The following ARHGAP6 variants were observed in gnomAD, a reference collection of about 807,000 sequenced individuals.
ARHGAP6 encodes Rho GTPase activating protein 6, also known as rho GTPase-activating protein 6.
Under a neutral mutation model 55.7 loss-of-function variants are expected in ARHGAP6, and 16 were observed. That is an observed-to-expected ratio of 0.29 (90% CI 0.19 to 0.44). ARHGAP6 has a LOEUF of 0.44. Ranked by LOEUF, ARHGAP6 falls within the 20% of genes least tolerant of loss-of-function variation. The pLI, the probability that ARHGAP6 is intolerant of heterozygous loss-of-function variation, is 1.00. For missense variants in ARHGAP6, 698 were observed against 808.9 expected (o/e 0.86, Z 1.66); for synonymous variants, 382 against 360.9 (o/e 1.06, Z -0.66).
chrX:11,589,372 A>G (rs1381766217), intron 1 of ARHGAP6, among the ~76,000 whole-genome samples: 1 of 108,378 alleles, frequency 9.2e-6, no homozygotes, highest in African/African-American at 3.4e-5. Flanking sequence ...TTGTTCTAGT[A>G]CACTTTTAAA....
rs199897331 is a variant in ARHGAP6 at position 11,196,363 on chromosome X, A to AC, written c.820+561dup. Reference sequence around the variant, plus strand: ...TCAATGATTCTTAAAGGGCTCTGTGACCCCCAAAATATTAAGGGCATTTGC... The same window carrying AC: ...TCAATGATTCTTAAAGGGCTCTGTGACCCCCCAAAATATTAAGGGCATTTGC... On this transcript the variant is annotated intron_variant, in intron 3 of 12. Coordinates refer to ENST00000337414, the MANE Select transcript of ARHGAP6 (RefSeq NM_013427.3). 9.8e-3 allele frequency among the ~76,000 whole-genome samples: 1,081 copies of AC among 110,641 alleles called. 13 individuals carry two copies. Among genetic ancestry groups the AC allele is most frequent in the African/African-American group, 0.035 (1,050 of 30,357 alleles).
At chrX:11,583,182 T>G (rs1335080339) in intron 1 of ARHGAP6, among the ~76,000 whole-genome samples, 1 of 112,395 alleles carries the variant, frequency 8.9e-6, no homozygotes, top group African/African-American at 3.2e-5. Flanking sequence ...CCTTACTAAC[T>G]GCTCTCCAGG....
chrX:11,577,250 C>G (rs1352460684), intron 1 of ARHGAP6, among the ~76,000 whole-genome samples: 1 of 112,136 alleles, frequency 8.9e-6, no homozygotes. Flanking sequence ...CACCAGGAAA[C>G]AGTTGGTAGG....
intron 2 of ARHGAP6, among the ~76,000 whole-genome samples, chrX:11,202,375 A>G (rs755669489): frequency 9.0e-6 from 1 of 110,968 alleles, no homozygotes; most frequent in South Asian, 3.9e-4. Context: ...ATAACCCTAA[A>G]TCTATCCATA....
At chrX:11,153,746 T>C (rs891560239) in intron 10 of ARHGAP6, among the ~76,000 whole-genome samples, 2 of 110,338 alleles carry the variant, frequency 1.8e-5, no homozygotes, top group Admixed American at 9.7e-5. Context: ...CTTCCCCCAG[T>C]GTTTTCTGTT....
At chrX:11,352,609 T>C (rs189638140) in intron 1 of ARHGAP6, among the ~76,000 whole-genome samples, 1 of 111,673 alleles carries the variant, frequency 9.0e-6, no homozygotes, top group Admixed American at 9.5e-5. Context: ...TTGTCCTCCA[T>C]GTAGGGGGTC....
chrX:11,475,790 TAAAA>T (rs377288387), intron 1 of ARHGAP6, among the ~76,000 whole-genome samples: 1 of 92,440 alleles, frequency 1.1e-5, no homozygotes. Context: ...ATTGCTGAAG[TAAAA>T]AAAAAAAAAG....
chrX:11,481,071 T>C (rs2050451883), intron 1 of ARHGAP6, among the ~76,000 whole-genome samples: 1 of 111,925 alleles, frequency 8.9e-6, no homozygotes, highest in Admixed American at 9.5e-5. Flanking sequence ...AAAGGTTAAC[T>C]GCATCTGGTC....
intron 9 of ARHGAP6, 104 bp downstream of exon 9, chrX:11,169,401 G>A: frequency 1.3e-6 from 1 of 766,643 alleles, no homozygotes; most frequent in South Asian, 4.1e-5. Flanking sequence ...AATTCAGTGA[G>A]CAGCACTGCA....
At chrX:11,388,891 G>A (rs1216904694) in intron 1 of ARHGAP6, among the ~76,000 whole-genome samples, 3 of 111,470 alleles carry the variant, frequency 2.7e-5, no homozygotes, top group African/African-American at 3.3e-5. Flanking sequence ...GTGTACCATT[G>A]GTCTTCACAC....
At chrX:11,579,841 T>G (rs1287043151) in intron 1 of ARHGAP6, among the ~76,000 whole-genome samples, 3 of 112,150 alleles carry the variant, frequency 2.7e-5, no homozygotes, top group African/African-American at 9.7e-5. Flanking sequence ...CAGCACTTGT[T>G]AAACTCTCAT....
At chrX:11,145,863 G>A (rs2045682407) in intron 10 of ARHGAP6, among the ~76,000 whole-genome samples, 1 of 112,635 alleles carries the variant, frequency 8.9e-6, no homozygotes, top group South Asian at 3.7e-4. Context: ...GAAACTCAGG[G>A]TGGGGCCAGC....
At chrX:11,593,098 A>G (rs923922542) in intron 1 of ARHGAP6, among the ~76,000 whole-genome samples, 5 of 112,426 alleles carry the variant, frequency 4.4e-5, no homozygotes, top group African/African-American at 1.6e-4. Context: ...ACGAATGACC[A>G]GTCAGTTGAA....
intron 2 of ARHGAP6, among the ~76,000 whole-genome samples, chrX:11,234,324 C>T (rs978652942): frequency 1.8e-5 from 2 of 112,357 alleles, no homozygotes; most frequent in African/African-American, 6.5e-5. Flanking sequence ...TCTCTTGAAA[C>T]TGCTGCAGGG....
At chrX:11,518,805 C>A (rs1366457705) in intron 1 of ARHGAP6, among the ~76,000 whole-genome samples, 4 of 66,763 alleles carry the variant, frequency 6.0e-5, no homozygotes, top group African/African-American at 2.4e-4. Context: ...CCACCACAGT[C>A]CCCAGAGTGT....
At chrX:11,537,899 T>C (rs1348788235) in intron 1 of ARHGAP6, among the ~76,000 whole-genome samples, 1 of 110,776 alleles carries the variant, frequency 9.0e-6, no homozygotes, top group Admixed American at 9.6e-5. Flanking sequence ...ACACAAACAA[T>C]ATCTTCATAT....
intron 1 of ARHGAP6, among the ~76,000 whole-genome samples, chrX:11,438,826 A>G (rs1034633306): frequency 2.7e-5 from 3 of 112,490 alleles, no homozygotes; most frequent in Non-Finnish European, 5.6e-5. Flanking sequence ...CAGAAAATAA[A>G]AGAGGTCCCA....
At chrX:11,140,417 C>CA (rs1211125181) in intron 12 of ARHGAP6, among the ~76,000 whole-genome samples, 3,206 of 41,390 alleles carry the variant, frequency 0.077, 124 homozygotes, top group African/African-American at 0.14. Flanking sequence ...GACTCCGTCA[C>CA]AAAAAAAAAA....
At chrX:11,608,867 T>C (rs62588051) in intron 1 of ARHGAP6, among the ~76,000 whole-genome samples, 21,062 of 110,840 alleles carry the variant, frequency 0.19, 1,540 homozygotes, top group Middle Eastern at 0.29. Context: ...AATGTAAGTC[T>C]AATTAAACCT....
Sources: gnomAD v4.1 joint callset for allele counts (sites outside exome capture counted in the v4.1 genomes callset) on GRCh38, gnomAD v4.1.1 for gene constraint, MANE v1.5 for transcripts, NCBI Gene and HGNC (gene_info 2026-07-23, HGNC 2026-07-21) for gene names.